The following DLGAP1 variants were observed in gnomAD, a reference collection of about 807,000 sequenced individuals.
DLGAP1 encodes DLG associated protein 1.
DLGAP1 carries 11 observed loss-of-function variants against 90.8 expected under a neutral mutation model. The ratio of observed to expected loss-of-function variants is 0.12; its 90% confidence interval spans 0.08 to 0.20. The LOEUF is 0.20. DLGAP1 is among the 10% of genes least tolerant of loss of function. The pLI is 1.00. For synonymous variants in DLGAP1, 558 were observed against 540.7 expected (o/e 1.03, Z -0.44); for missense variants, 1,050 against 1,333.8 (o/e 0.79, Z 3.31).
Position 3,879,965 on chromosome 18 carries a change from C to A in DLGAP1, c.104G>T (p.Ser35Ile), listed in dbSNP as rs1345056683. The change falls in exon 4 of 13, where the codon AGC becomes ATC. Residue 35 changes from serine (S) to isoleucine (I), a missense_variant. Transcript: ENST00000315677. The surrounding 1 kb of genome is among the most constrained non-coding windows in gnomAD (Gnocchi z 6.6). ...GTCTGCGGGGTGGTGCTCCACTGGGCTCAGCAGGTAGGGCTTGCGGTCGGA... is the reference window on the plus strand; with the variant it reads ...GTCTGCGGGGTGGTGCTCCACTGGGATCAGCAGGTAGGGCTTGCGGTCGGA... Reference protein sequence around the residue: ...HHSDRKPYLLSPVEHHPADHP... With the variant: ...HHSDRKPYLLIPVEHHPADHP... The A allele has an allele frequency of 1.2e-6, 2 of 1,612,826 alleles. No individual in the cohort carries two copies.
At chr18:3,830,892 T>C (rs6506138) in intron 4 of DLGAP1, among the ~76,000 whole-genome samples, 76,499 of 152,026 alleles carry the variant, frequency 0.5, 19,368 homozygotes, top group South Asian at 0.55. Context: ...AAACAACATA[T>C]TGTAAAGTAA....
At chr18:4,177,642 G>A (rs775713388) in intron 1 of DLGAP1, among the ~76,000 whole-genome samples, 2 of 151,994 alleles carry the variant, frequency 1.3e-5, no homozygotes, top group Non-Finnish European at 2.9e-5. Flanking sequence ...TGTAGGCCCT[G>A]GTGTCTGCTG....
chr18:3,772,344 CTCTCTTTCTTTCTTTCTTTCTT>C (rs1459178551), intron 5 of DLGAP1, among the ~76,000 whole-genome samples: 276 of 15,238 alleles, frequency 0.018, 23 homozygotes, highest in Middle Eastern at 0.05. Flanking sequence ...CTCTCTCTCT[CTCTCTTTCTTTCTTTCTTTCTT>C]TCTTTCTTTC....
At chr18:3,725,570 A>G (rs9963836) in intron 7 of DLGAP1, among the ~76,000 whole-genome samples, 2,481 of 152,286 alleles carry the variant, frequency 0.016, 79 homozygotes, top group African/African-American at 0.057. Flanking sequence ...CTACTGTAAT[A>G]TTAACTGCTC....
At chr18:3,862,537 G>A in intron 4 of DLGAP1, among the ~76,000 whole-genome samples, 1 of 152,148 alleles carries the variant, frequency 6.6e-6, no homozygotes, top group Admixed American at 6.5e-5. Context: ...AAACGCAGAG[G>A]AGCCGACAGG....
chr18:4,218,754 A>G (rs945110567), intron 1 of DLGAP1, among the ~76,000 whole-genome samples: 2 of 151,750 alleles, frequency 1.3e-5, no homozygotes, highest in African/African-American at 4.8e-5. Context: ...TTAGCATAAT[A>G]TCCTCCAGGT....
At chr18:3,694,990 A>G (rs1418995679) in intron 7 of DLGAP1, among the ~76,000 whole-genome samples, 1 of 137,034 alleles carries the variant, frequency 7.3e-6, no homozygotes, top group Non-Finnish European at 1.5e-5. Context: ...CCCAGACTGG[A>G]GTGCGGTGGC....
chr18:3,701,907 G>A (rs1227195856), intron 7 of DLGAP1, among the ~76,000 whole-genome samples: 5 of 152,114 alleles, frequency 3.3e-5, no homozygotes, highest in African/African-American at 1.2e-4. Flanking sequence ...TGTGAGAGAC[G>A]GAGAGACATA....
rs114090686 is a variant in DLGAP1, at chr18:3,535,166, T to C, written c.2058-551A>G. ...CTTGAGGCAAGCATATTGATTGTCA[T>C]AGCTTCAATGTGAAGAGCACGAATC... On this transcript the variant is annotated intron_variant, in intron 9 of 12. Coordinates refer to ENST00000315677, the MANE Select transcript of DLGAP1 (RefSeq NM_004746.4). Among the ~76,000 whole-genome samples, 1,462 of 151,806 alleles carry C rather than the reference T, an allele frequency of 9.6e-3. 31 individuals carry two copies. The highest frequency in any genetic ancestry group is 0.034 in the African/African-American group (1,393 of 41,352).
chr18:3,743,450 G>C (rs1433280742), intron 5 of DLGAP1, among the ~76,000 whole-genome samples: 1 of 151,816 alleles, frequency 6.6e-6, no homozygotes, highest in African/African-American at 2.4e-5. Flanking sequence ...CACCTCCCGG[G>C]TTCATGCCAT....
At chr18:3,577,005 G>A (rs917941220) in intron 8 of DLGAP1, among the ~76,000 whole-genome samples, 16 of 151,898 alleles carry the variant, frequency 1.1e-4, no homozygotes, top group African/African-American at 3.9e-4. Flanking sequence ...TGAGATTACA[G>A]GCATGCACCA....
intron 11 of DLGAP1, among the ~76,000 whole-genome samples, chr18:3,504,778 A>G (rs992602512): frequency 2.0e-5 from 3 of 152,208 alleles, no homozygotes; most frequent in African/African-American, 7.2e-5. Flanking sequence ...GAAGATAGAT[A>G]GAGAAACAGA....
At chr18:3,709,086 C>A (rs896243321) in intron 7 of DLGAP1, among the ~76,000 whole-genome samples, 6 of 152,148 alleles carry the variant, frequency 3.9e-5, no homozygotes, top group African/African-American at 1.4e-4. Context: ...ACTGGTTATA[C>A]AACCGTGGAA....
At chr18:4,387,206 G>A (rs1238059033) in intron 1 of DLGAP1, among the ~76,000 whole-genome samples, 1 of 152,164 alleles carries the variant, frequency 6.6e-6, no homozygotes, top group African/African-American at 2.4e-5. Flanking sequence ...AATCAGTCAA[G>A]AGGCATTTAT....
intron 7 of DLGAP1, among the ~76,000 whole-genome samples, chr18:3,628,931 C>T (rs2058415027): frequency 6.6e-6 from 1 of 152,034 alleles, no homozygotes; most frequent in Non-Finnish European, 1.5e-5. Context: ...TGAACAATGC[C>T]ACCATGAATA....
chr18:3,974,079 AT>A (rs547544555), intron 3 of DLGAP1, among the ~76,000 whole-genome samples: 43 of 148,278 alleles, frequency 2.9e-4, no homozygotes, highest in Non-Finnish European at 2.7e-4. Flanking sequence ...GACACTTTTT[AT>A]TTTTTTTTTT....
At chr18:4,275,610 T>TC (rs2079393803) in intron 1 of DLGAP1, among the ~76,000 whole-genome samples, 1 of 144,582 alleles carries the variant, frequency 6.9e-6, no homozygotes, top group East Asian at 2.0e-4. Context: ...TTTTTTTTTT[T>TC]CTCTCGCTAG....
At chr18:3,679,016 G>A (rs2060413655) in intron 7 of DLGAP1, among the ~76,000 whole-genome samples, 1 of 152,058 alleles carries the variant, frequency 6.6e-6, no homozygotes, top group Non-Finnish European at 1.5e-5. Context: ...ATTATTTTTA[G>A]AGACTGGATC....
chr18:3,600,690 C>CTATATAGATACCTATAGA, intron 7 of DLGAP1, among the ~76,000 whole-genome samples: 1 of 59,794 alleles, frequency 1.7e-5, no homozygotes, highest in South Asian at 4.8e-4. Context: ...CTATAGAGAT[C>CTATATAGATACCTATAGA]TATATAGATA....
Sources: allele counts gnomAD v4.1 joint callset (sites outside exome capture counted in the v4.1 genomes callset), GRCh38; gene constraint gnomAD v4.1.1; non-coding constraint Gnocchi (gnomAD v3.1); transcripts MANE v1.5; gene names NCBI Gene and HGNC (gene_info 2026-07-23, HGNC 2026-07-21).